RBFOX1: variants seen among roughly 807,000 people sequenced by gnomAD.
RBFOX1 encodes the protein RNA binding protein fox-1 homolog 1.
Under a neutral mutation model 57.7 loss-of-function variants are expected in RBFOX1, and 8 were observed. That is an observed-to-expected ratio of 0.14 (90% confidence interval 0.08 to 0.25). The LOEUF (loss-of-function observed/expected upper bound fraction) is 0.25. Ranked by LOEUF, RBFOX1 falls within the 10% of genes least tolerant of loss-of-function variation. RBFOX1 has a pLI of 1.00. For synonymous variants in RBFOX1, 326 were observed against 222.4 expected (o/e 1.47, Z -4.15); for missense variants, 611 against 548.5 (o/e 1.11, Z -1.14).
chr16:7,453,755 T>C (rs1365428048), intron 4 of RBFOX1, among the ~76,000 whole-genome samples: 1 of 152,164 alleles, frequency 6.6e-6, no homozygotes, highest in Non-Finnish European at 1.5e-5. Flanking sequence ...ATGGAAGTCA[T>C]AGAAACCACT....
intron 2 of RBFOX1, among the ~76,000 whole-genome samples, chr16:5,597,437 C>G (rs543459781): frequency 1.4e-5 from 2 of 140,778 alleles, no homozygotes; most frequent in Non-Finnish European, 3.0e-5. Flanking sequence ...TTGATCTCGT[C>G]GCTCAGGCTG....
chr16:6,413,319 CAAAAAAAAA>C (rs34475437), intron 2 of RBFOX1, among the ~76,000 whole-genome samples: 96 of 114,394 alleles, frequency 8.4e-4, no homozygotes, highest in Non-Finnish European at 2.2e-4. Flanking sequence ...AACTACATCT[CAAAAAAAAA>C]AAAAAAAAAA....
Position 5,894,906 on chromosome 16 carries a change from C to G in RBFOX1, c.351+27571C>G, listed in dbSNP as rs576652163. Among the ~76,000 whole-genome samples the G allele has an allele frequency of 1.4e-4, 22 of 152,184 alleles. 1 individual carries two copies. In the South Asian group the frequency reaches 4.2e-3, roughly 29 times the overall value. On this transcript the variant is annotated intron_variant, in intron 4 of 19. Coordinates refer to the RBFOX1 transcript ENST00000641259. ...GCATGGTGGCAGGTGCCTGTAGTCC[C>G]CTTCTACTCTGGAGGCTGAGGCAGG... is the stretch of plus-strand genomic sequence containing the variant.
At chr16:7,554,232 T>C (rs937868566) in intron 5 of RBFOX1, among the ~76,000 whole-genome samples, 5 of 152,110 alleles carry the variant, frequency 3.3e-5, no homozygotes, top group African/African-American at 9.7e-5. Flanking sequence ...GAACAAAGAG[T>C]AGCAGGCAAA....
intron 2 of RBFOX1, among the ~76,000 whole-genome samples, chr16:6,372,432 G>A (rs1007076971): frequency 2.6e-5 from 4 of 151,524 alleles, no homozygotes; most frequent in Non-Finnish European, 5.9e-5. Context: ...GAGTATAGTT[G>A]GATGGAAGGA....
chr16:6,368,055 C>G (rs1020047591), intron 2 of RBFOX1, among the ~76,000 whole-genome samples: 1 of 152,140 alleles, frequency 6.6e-6, no homozygotes, highest in Non-Finnish European at 1.5e-5. Flanking sequence ...TTGGTCACCC[C>G]CTCACACAGG....
intron 4 of RBFOX1, among the ~76,000 whole-genome samples, chr16:7,088,909 T>A (rs2060389279): frequency 6.6e-6 from 1 of 152,218 alleles, no homozygotes; most frequent in Non-Finnish European, 1.5e-5. Context: ...GAAAATCCTC[T>A]TTATCCGCTT....
intron 3 of RBFOX1, among the ~76,000 whole-genome samples, chr16:6,748,683 G>A (rs2074298005): frequency 6.6e-6 from 1 of 152,080 alleles, no homozygotes. Context: ...ATTATTTGGA[G>A]TATATAGAAT....
intron 2 of RBFOX1, among the ~76,000 whole-genome samples, chr16:6,485,480 G>C (rs1265612156): frequency 2.0e-5 from 3 of 151,828 alleles, no homozygotes; most frequent in African/African-American, 7.3e-5. Flanking sequence ...AAACCTTTTA[G>C]GTATCTTTGC....
At chr16:7,424,288 C>G (rs1317628991) in intron 4 of RBFOX1, among the ~76,000 whole-genome samples, 1 of 151,348 alleles carries the variant, frequency 6.6e-6, no homozygotes, top group African/African-American at 2.4e-5. Context: ...GGGTGGGGGT[C>G]TAGCTCTGTC....
intron 3 of RBFOX1, among the ~76,000 whole-genome samples, chr16:6,847,169 A>C (rs564421690): frequency 2.0e-5 from 3 of 152,282 alleles, no homozygotes; most frequent in South Asian, 2.1e-4. Context: ...ATAGCAACTC[A>C]AGCCCTCACT....
intron 9 of RBFOX1, among the ~76,000 whole-genome samples, chr16:7,599,618 G>C (rs950174536): frequency 4.2e-5 from 6 of 143,078 alleles, no homozygotes; most frequent in Non-Finnish European, 8.9e-5. Context: ...GGCTAGAGAA[G>C]ATGAAGAAAT....
chr16:7,448,531 G>C (rs1313018673), intron 4 of RBFOX1, among the ~76,000 whole-genome samples: 1 of 152,144 alleles, frequency 6.6e-6, no homozygotes, highest in Non-Finnish European at 1.5e-5. Context: ...AGAACAGCAT[G>C]GGGAAGACCC....
At chr16:7,108,114 T>G (rs1042078232) in intron 4 of RBFOX1, among the ~76,000 whole-genome samples, 2 of 152,106 alleles carry the variant, frequency 1.3e-5, no homozygotes, top group Admixed American at 6.6e-5. Context: ...GATGACCAAT[T>G]TTCAGCTAAT....
At chr16:6,412,939 T>G (rs2093507213) in intron 2 of RBFOX1, among the ~76,000 whole-genome samples, 1 of 152,194 alleles carries the variant, frequency 6.6e-6, no homozygotes, top group Non-Finnish European at 1.5e-5. Context: ...CTGATAATTT[T>G]GGAAGATAAA....
intron 2 of RBFOX1, among the ~76,000 whole-genome samples, chr16:5,497,338 C>T (rs1051465515): frequency 6.6e-6 from 1 of 151,174 alleles, no homozygotes; most frequent in Non-Finnish European, 1.5e-5. Context: ...AATCGCTCTA[C>T]TCTTGAACTC....
At chr16:6,137,685 C>T (rs1161155459) in intron 1 of RBFOX1, among the ~76,000 whole-genome samples, 2 of 141,374 alleles carry the variant, frequency 1.4e-5, no homozygotes, top group East Asian at 2.2e-4. Flanking sequence ...ACAATCATGG[C>T]TTACTACAGC....
chr16:5,379,329 C>T (rs566892994), intron 1 of RBFOX1, among the ~76,000 whole-genome samples: 23 of 151,658 alleles, frequency 1.5e-4, no homozygotes, highest in Non-Finnish European at 2.8e-4. Context: ...TATCTTTCCA[C>T]ATTCAGACCT....
At chr16:6,249,772 C>CTTTTTTTTTT (rs55802545) in intron 1 of RBFOX1, among the ~76,000 whole-genome samples, 1 of 140,662 alleles carries the variant, frequency 7.1e-6, no homozygotes, top group Non-Finnish European at 1.5e-5. Context: ...CATTTTTTTT[C>CTTTTTTTTTT]TTTTTTTTTT....
Sources: gnomAD v4.1 joint callset for allele counts (sites outside exome capture counted in the v4.1 genomes callset) on GRCh38, gnomAD v4.1.1 for gene constraint, MANE v1.5 for transcripts, NCBI Gene and HGNC (gene_info 2026-07-23, HGNC 2026-07-21) for gene names.